Variants in CREG2 observed in about 807,000 individuals in gnomAD.
CREG2 encodes cellular repressor of E1A stimulated genes 2, also known as protein CREG2.
CREG2 carries 24 observed loss-of-function variants against 26.2 expected under a neutral mutation model. The ratio of observed to expected loss-of-function variants is 0.92; its 90% CI spans 0.66 to 1.29. The LOEUF is 1.29. CREG2 is among the 50% of genes most tolerant of loss of function. The probability of loss-of-function intolerance (pLI) is 0.00; values close to 1 mark genes in which losing one functional copy is unlikely to be tolerated. For synonymous variants in CREG2, 174 were observed against 169.2 expected (o/e 1.03, Z -0.22); for missense variants, 366 against 398.6 (o/e 0.92, Z 0.70).
At chr2:101,375,695 T>C (rs1684779097) in intron 2 of CREG2, 1 of 188,010 alleles carries the variant, frequency 5.3e-6, no homozygotes, top group Non-Finnish European at 1.1e-5. Context: ...GGGACCACCC[T>C]ACCCCAGGAC....
At chr2:101,353,918 G>A (rs761912106) in intron 3 of CREG2, among the ~76,000 whole-genome samples, 1 of 152,118 alleles carries the variant, frequency 6.6e-6, no homozygotes, top group Non-Finnish European at 1.5e-5. Flanking sequence ...TGAACAATGA[G>A]AACACATGGA....
chr2:101,382,536 G>A (rs1684892821), intron 2 of CREG2: 3 of 985,162 alleles, frequency 3.0e-6, no homozygotes, highest in Admixed American at 1.2e-4. Flanking sequence ...CCATGAGAAA[G>A]GAAATGTTTC....
chr2:101,368,964 G>A (rs1176535879), intron 2 of CREG2, among the ~76,000 whole-genome samples: 1 of 152,214 alleles, frequency 6.6e-6, no homozygotes, highest in Non-Finnish European at 1.5e-5. Flanking sequence ...CAGACTGAGA[G>A]CCAAAAGGCC....
chr2:101,363,760 G>A (rs1239594970), intron 2 of CREG2, among the ~76,000 whole-genome samples: 3 of 151,980 alleles, frequency 2.0e-5, no homozygotes, highest in Non-Finnish European at 4.4e-5. Flanking sequence ...TGAGGCAGGA[G>A]GATCACTTGA....
intron 2 of CREG2, among the ~76,000 whole-genome samples, chr2:101,380,815 G>T (rs1471929765): frequency 1.3e-5 from 2 of 151,998 alleles, no homozygotes; most frequent in African/African-American, 4.8e-5. Context: ...CATGTTTCAT[G>T]TGCCTGTAAT....
chr2:101,381,152 T>A (rs1401966963), intron 2 of CREG2, among the ~76,000 whole-genome samples: 1 of 152,182 alleles, frequency 6.6e-6, no homozygotes, highest in African/African-American at 2.4e-5. Flanking sequence ...TCTCTGCCTT[T>A]GCTGGAGACC....
At chr2:101,355,870 A>G (rs6754354) in intron 2 of CREG2, among the ~76,000 whole-genome samples, 35,261 of 151,960 alleles carry the variant, frequency 0.23, 4,855 homozygotes, top group South Asian at 0.35. Flanking sequence ...ATTACAAACA[A>G]TGCTCTTTTA....
chr2:101,368,679 G>A (rs1003984156), intron 2 of CREG2, among the ~76,000 whole-genome samples: 4 of 152,236 alleles, frequency 2.6e-5, no homozygotes, highest in African/African-American at 9.6e-5. Context: ...AATCAGATAA[G>A]GTGGTGGGCA....
chr2:101,356,618 A>G (rs1684464303), intron 2 of CREG2, among the ~76,000 whole-genome samples: 1 of 152,068 alleles, frequency 6.6e-6, no homozygotes, highest in Non-Finnish European at 1.5e-5. Flanking sequence ...CAGGTGTTGG[A>G]TGTGTGTGTA....
chr2:101,378,591 T>A (rs576997023), intron 2 of CREG2, among the ~76,000 whole-genome samples: 1 of 152,352 alleles, frequency 6.6e-6, no homozygotes, highest in Non-Finnish European at 1.5e-5. Flanking sequence ...TTCTTCACCA[T>A]TCTTGGAGTA....
rs1261399350 is a variant in CREG2 at position 101,358,849 on chromosome 2, A to C, written c.612-3483T>G. ...AGGAGATCGAGACCATCCCGGCTAA[A>C]ACGGTGAAACCCCGTCTCTACTAAA... On this transcript the variant is annotated intron_variant, in intron 2 of 3. Coordinates refer to ENST00000324768, the MANE Select transcript of CREG2 (RefSeq NM_153836.4). 3.2e-4 allele frequency among the ~76,000 whole-genome samples: 8 copies of C among 25,256 alleles called. 3 individuals are homozygous for C. The highest frequency in any genetic ancestry group is 6.6e-4 in the Non-Finnish European group (4 of 6,100). 16.6% of individuals were successfully genotyped at this position (25,256 alleles called of 152,430 possible).
In CREG2 at chr2:101,383,665, C is replaced by T. The variant is rs1684918282; in HGVS notation, c.479G>A (p.Ser160Asn). 1.9e-6 allele frequency: 3 copies of T among 1,612,492 alleles called. No individual in the cohort carries two copies. In the South Asian group the frequency reaches 3.3e-5, roughly 18 times the overall value. The change falls in exon 2 of 4, where the codon AGT becomes AAT. Residue 160 changes from serine (S) to asparagine (N), a missense_variant. By Grantham distance (46) the Ser-to-Asn change is conservative. Around this residue, in one of 3 missense-constraint regions of CREG2, gnomAD observed 174 missense variants for 178.2 expected, o/e 0.98. Transcript: ENST00000324768. The stretch of plus-strand genomic sequence containing the variant: ...AGTGCTATTGTTGAAGGGGCCATCA[C>T]TGACGGGCAGGCAGTTCCCAAATGG... ...GLPFGNCLPV[S>N]DGPFNNSTGI... is the part of the protein sequence containing the mutation.
intron 2 of CREG2, among the ~76,000 whole-genome samples, chr2:101,373,463 C>G (rs541915928): frequency 2.0e-5 from 3 of 152,104 alleles, no homozygotes; most frequent in African/African-American, 4.8e-5. Flanking sequence ...GAAATGAAAC[C>G]CTTATGTCCA....
At chr2:101,355,206 T>C (rs1219136592) in intron 3 of CREG2, 47 bp downstream of exon 3, 1 of 1,207,118 alleles carries the variant, frequency 8.3e-7, no homozygotes, top group Non-Finnish European at 1.2e-6. Context: ...CTCTGCTTAT[T>C]AGTATTGTGT....
At chr2:101,359,865 A>T (rs186163371) in intron 2 of CREG2, among the ~76,000 whole-genome samples, 3 of 152,336 alleles carry the variant, frequency 2.0e-5, no homozygotes, top group Admixed American at 2.0e-4. Flanking sequence ...AGGGGTCTCC[A>T]AATGACTGCC....
chr2:101,373,890 G>T lies in CREG2; in HGVS notation c.611+9643C>A, dbSNP rs562124984. Among the ~76,000 whole-genome samples, 8 of 152,256 alleles carry T rather than the reference G, an allele frequency of 5.3e-5. No homozygotes were observed. The South Asian group carries it at 1.7e-3, about 32-fold the overall frequency. On this transcript the variant is annotated intron_variant, in intron 2 of 3. Coordinates refer to ENST00000324768, the MANE Select transcript of CREG2 (RefSeq NM_153836.4). Reference sequence around the variant, plus strand: ...TATTTATTTTTATTTTTTGAGAACAGGGTCTACACTCTGTCACCCAGGCTG... The same window carrying T: ...TATTTATTTTTATTTTTTGAGAACATGGTCTACACTCTGTCACCCAGGCTG...
chr2:101,383,848 C>G, intron 1 of CREG2, 146 bp from the exon 2 acceptor site: 1 of 708,420 alleles, frequency 1.4e-6, no homozygotes, highest in Non-Finnish European at 2.3e-6. Flanking sequence ...GGTAGTAAAT[C>G]AAGGTGAGGT....
chr2:101,345,756 G>A lies in CREG2; in HGVS notation c.*5167C>T, dbSNP rs1445531324. The A allele has an allele frequency of 6.6e-6, 1 of 151,564 alleles. No homozygotes were observed. The highest frequency in any genetic ancestry group is 1.5e-5 in the Non-Finnish European group (1 of 67,940). 9.4% of individuals were successfully genotyped at this position (151,564 alleles called of 1,614,324 possible). A position where few individuals can be genotyped will look rare whatever the true frequency, so the allele number is the denominator to read the frequency against. ...AAGCATCAATAAATTATCCTAGAGA[G>A]GTTTTATTTTCAGAACAGTATTTGA... On this transcript the variant is annotated 3_prime_UTR_variant, in exon 4 of 4. Transcript: ENST00000324768.
Position 101,387,275 on chromosome 2 carries a change from C to G in CREG2, c.183G>C (p.Ala61=). ...DSASTEEAMP[A]LLEDSGSIWQ... ...AGATGCTGCCCGAATCCTCTAGCAGCGCGGGCATAGCCTCCTCAGTGGAGG... is the reference window on the plus strand; with the variant it reads ...AGATGCTGCCCGAATCCTCTAGCAGGGCGGGCATAGCCTCCTCAGTGGAGG... Residue 61 remains alanine, a synonymous_variant, in exon 1 of 4, where the codon GCG becomes GCC. Coordinates refer to ENST00000324768, the MANE Select transcript of CREG2 (RefSeq NM_153836.4). This position sits in a 1 kb window ranked among gnomAD's most constrained non-coding sequence, Gnocchi z 4.7. 1 of 1,478,556 alleles carries G rather than the reference C, an allele frequency of 6.8e-7. No individual in the cohort carries two copies. Among genetic ancestry groups the G allele is most frequent in the South Asian group, 1.3e-5 (1 of 76,696 alleles). 91.6% of individuals were successfully genotyped at this position (1,478,556 alleles called of 1,614,324 possible).
Sources: gnomAD v4.1 joint callset for allele counts (sites outside exome capture counted in the v4.1 genomes callset) on GRCh38, gnomAD v4.1.1 for gene constraint, gnomAD v4.1.1 regional missense constraint, Gnocchi (gnomAD v3.1) non-coding constraint, MANE v1.5 for transcripts, NCBI Gene and HGNC (gene_info 2026-07-23, HGNC 2026-07-21) for gene names.